SCNM1: variants seen among roughly 807,000 people sequenced by gnomAD.
SCNM1 encodes sodium channel modifier 1.
Under a neutral mutation model 32.8 loss-of-function variants are expected in SCNM1, and 24 were observed. That is an observed-to-expected ratio of 0.73 (90% CI 0.53 to 1.03). SCNM1 has a LOEUF of 1.03. SCNM1 is among the 50% of genes least tolerant of loss of function. The pLI is 0.00. For synonymous variants in SCNM1, 99 were observed against 103.2 expected (o/e 0.96, Z 0.25); for missense variants, 274 against 282.3 (o/e 0.97, Z 0.21).
At position 151,170,031 on chromosome 1, in the gene SCNM1, A is replaced by G; in HGVS notation, c.*946A>G. On this transcript the variant is annotated 3_prime_UTR_variant, in exon 7 of 7. Coordinates refer to ENST00000368905, the MANE Select transcript of SCNM1 (RefSeq NM_024041.4). ...TTACAGGAAAGGAGGACAGATGAGG[A>G]TTTAAGTGTCCAGTGCTCCCAGCGC... is the stretch of plus-strand genomic sequence containing the variant. The G allele has an allele frequency of 1.2e-6, 2 of 1,608,168 alleles. No homozygotes were observed. The highest frequency in any genetic ancestry group is 1.7e-6 in the Non-Finnish European group (2 of 1,174,618).
At chr1:151,168,107 C>T in intron 5 of SCNM1, 37 bp from the exon 6 acceptor site, 2 of 1,553,094 alleles carry the variant, frequency 1.3e-6, no homozygotes, top group Non-Finnish European at 1.7e-6. Context: ...TTGGCCCTTT[C>T]CCTTACTGCT....
intron 4 of SCNM1, 54 bp downstream of exon 4, chr1:151,167,272 G>A (rs1254834002): frequency 2.5e-6 from 4 of 1,614,048 alleles, no homozygotes; most frequent in Non-Finnish European, 3.4e-6. Flanking sequence ...CACACACCAG[G>A]CTGGAAGGGC....
chr1:151,166,792 A>G, intron 2 of SCNM1, 142 bp from the exon 3 acceptor site: 13 of 1,352,964 alleles, frequency 9.6e-6, no homozygotes, highest in Non-Finnish European at 1.3e-5. Context: ...TTTGGCGGCC[A>G]GTGAGGACTG....
chr1:151,169,220 G>T lies in SCNM1; in HGVS notation c.*135G>T. On this transcript the variant is annotated 3_prime_UTR_variant, in exon 7 of 7. Transcript: ENST00000368905. Reference sequence around the variant, plus strand: ...ATTCCAACTACTCCTTGCCTGCAAGGTACACAGCTCTCCACACTCCTTTTT... The same window carrying T: ...ATTCCAACTACTCCTTGCCTGCAAGTTACACAGCTCTCCACACTCCTTTTT... 1 of 814,590 alleles carries T rather than the reference G, an allele frequency of 1.2e-6. No homozygotes were observed. The allele number at this position is 814,590 out of a possible 1,614,324, so 50.5% of individuals were successfully genotyped here.
In SCNM1 at chr1:151,169,842, A is replaced by C; in HGVS notation, c.*757A>C. The stretch of plus-strand genomic sequence containing the variant: ...GGTTATGGGGAACACCAAGGGAGGG[A>C]ACACCCCCACCTCCTCCTAGTAACC... On this transcript the variant is annotated 3_prime_UTR_variant, in exon 7 of 7. Coordinates refer to ENST00000368905, the MANE Select transcript of SCNM1 (RefSeq NM_024041.4). 1 of 543,864 alleles carries C rather than the reference A, an allele frequency of 1.8e-6. No homozygotes were observed. Among genetic ancestry groups the C allele is most frequent in the Non-Finnish European group, 3.3e-6 (1 of 302,822 alleles). 33.7% of individuals were successfully genotyped at this position (543,864 alleles called of 1,614,324 possible).
chr1:151,166,288 A>C, intron 1 of SCNM1, 85 bp downstream of exon 1: 1 of 1,548,880 alleles, frequency 6.5e-7, no homozygotes, highest in Non-Finnish European at 8.7e-7. Context: ...CTCTGGCAAC[A>C]ACTCGGGGGT....
rs763782707 is a variant in SCNM1, at chr1:151,166,184, G to A, written c.32G>A (p.Ser11Asn). ...TTCAAGAGGGAAGGAGACGATTGGA[G>A]TCAACTCAATGTGCTCAAAGTAAGC... Reference protein sequence around the residue: MSFKREGDDWSQLNVLKKRRV... With the variant: MSFKREGDDWNQLNVLKKRRV... The change falls in exon 1 of 7, where the codon AGT (serine) becomes AAT (asparagine). Residue 11 changes from serine to asparagine, a missense_variant. Transcript: ENST00000368905. The A allele has an allele frequency of 2.6e-5, 42 of 1,605,508 alleles. No individual in the cohort carries two copies. The highest frequency in any genetic ancestry group is 3.4e-5 in the Non-Finnish European group (40 of 1,175,580).
At chr1:151,168,927 C>T (rs1377568527) in intron 6 of SCNM1, 59 bp from the exon 7 acceptor site, 1 of 1,599,294 alleles carries the variant, frequency 6.3e-7, no homozygotes, top group African/African-American at 1.3e-5. Context: ...TGTGAGCTCA[C>T]CACTAACTTC....
intron 2 of SCNM1, 176 bp downstream of exon 2, chr1:151,166,717 T>C (rs1421240768): frequency 4.6e-5 from 57 of 1,252,328 alleles, no homozygotes; most frequent in Non-Finnish European, 6.0e-5. Context: ...TACAAGCGCA[T>C]GCCACCACGC....
chr1:151,166,571 G>A (rs1298007982), intron 2 of SCNM1, 30 bp downstream of exon 2: 1 of 1,611,192 alleles, frequency 6.2e-7, no homozygotes, highest in Admixed American at 1.7e-5. Flanking sequence ...CAAGCCTGAG[G>A]GTTCTGCGGT....
Position 151,169,216 on chromosome 1 carries a change from C to A in SCNM1, c.*131C>A. The stretch of plus-strand genomic sequence containing the variant: ...TCTCATTCCAACTACTCCTTGCCTG[C>A]AAGGTACACAGCTCTCCACACTCCT... On this transcript the variant is annotated 3_prime_UTR_variant, in exon 7 of 7. Coordinates refer to ENST00000368905, the MANE Select transcript of SCNM1 (RefSeq NM_024041.4). The A allele has an allele frequency of 4.7e-6, 4 of 849,840 alleles. No individual in the cohort carries two copies. The highest frequency in any genetic ancestry group is 7.3e-6 in the Non-Finnish European group (4 of 551,076). 52.6% of individuals were successfully genotyped at this position (849,840 alleles called of 1,614,324 possible).
Position 151,169,764 on chromosome 1 carries a change from A to G in SCNM1, c.*679A>G. On this transcript the variant is annotated 3_prime_UTR_variant, in exon 7 of 7. Transcript: ENST00000368905. ...GGGGGACCTGGCCACATCTGGAAAC[A>G]GGGCTGTGGCTAAGTTCCCTGTGAA... 2.6e-6 allele frequency: 1 copy of G among 385,252 alleles called. No individual in the cohort carries two copies. The highest frequency in any genetic ancestry group is 2.9e-5 in the South Asian group (1 of 34,764). The allele number at this position is 385,252 out of a possible 1,614,324, so 23.9% of individuals were successfully genotyped here.
Position 151,169,066 on chromosome 1 carries a change from C to T in SCNM1, c.674C>T (p.Pro225Leu). 1 of 1,614,040 alleles carries T rather than the reference C, an allele frequency of 6.2e-7. No homozygotes were observed. Among genetic ancestry groups the T allele is most frequent in the East Asian group, 2.2e-5 (1 of 44,882 alleles). ...VEFDSDEEEP[P>L]DLPLD ...TTTGACTCTGATGAGGAGGAACCAC[C>T]TGATCTCCCCTTGGACTGATACCCT... The change falls in exon 7 of 7, where the codon CCT becomes CTT. Residue 225 changes from proline (P) to leucine (L), a missense_variant. By Grantham distance (98) the Pro-to-Leu change is moderately conservative. Coordinates refer to ENST00000368905, the MANE Select transcript of SCNM1 (RefSeq NM_024041.4).
chr1:151,170,208 T>C lies in SCNM1; in HGVS notation c.*1123T>C. 7.3e-7 allele frequency: 1 copy of C among 1,367,490 alleles called. No homozygotes were observed. The highest frequency in any genetic ancestry group is 1.0e-6 in the Non-Finnish European group (1 of 962,548). 84.7% of individuals were successfully genotyped at this position (1,367,490 alleles called of 1,614,324 possible). A position where few individuals can be genotyped will look rare whatever the true frequency, so the allele number is the denominator to read the frequency against. On this transcript the variant is annotated 3_prime_UTR_variant, in exon 7 of 7. Coordinates refer to ENST00000368905, the MANE Select transcript of SCNM1 (RefSeq NM_024041.4). ...CTTAGCCAAACTCATAAATTGGTAG[T>C]GTCTTAGGCCACCTTACAGGCCCAT...
chr1:151,166,651 C>T (rs1683717234), intron 2 of SCNM1, 110 bp downstream of exon 2: 1 of 1,497,578 alleles, frequency 6.7e-7, no homozygotes, highest in Non-Finnish European at 8.9e-7. Context: ...CCAGGCTGCC[C>T]TCGAACTCTA....
chr1:151,169,336 C>A lies in SCNM1; in HGVS notation c.*251C>A. 1 of 341,542 alleles carries A rather than the reference C, an allele frequency of 2.9e-6. No homozygotes were observed. 21.2% of individuals were successfully genotyped at this position (341,542 alleles called of 1,614,324 possible). The stretch of plus-strand genomic sequence containing the variant: ...CTCGGCTCACTGCAAGCTCTGCCTC[C>A]CAGGTTCACGCCTTTCTCCTGCCTC... On this transcript the variant is annotated 3_prime_UTR_variant, in exon 7 of 7. Transcript: ENST00000368905.
In SCNM1 at chr1:151,167,157, A is replaced by G. The variant is rs746188514; in HGVS notation, c.248A>G (p.Lys83Arg). Residue 83 changes from lysine to arginine, a missense_variant, in exon 4 of 7, where the codon AAG becomes AGG. Physicochemically the swap from Lys to Arg is conservative, Grantham distance 26. Transcript: ENST00000368905. ...TTCTATGGCAAGAAGCAGCCGGGAA[A>G]GGAAAGAAAGCAGAATCCAAAACAT... ...QLFYGKKQPG[K>R]ERKQNPKHQN... 9.9e-6 allele frequency: 16 copies of G among 1,614,068 alleles called. No individual in the cohort carries two copies. The highest frequency in any genetic ancestry group is 1.4e-5 in the Non-Finnish European group (16 of 1,180,038).
In SCNM1 at chr1:151,167,395, T is replaced by A. The variant is rs1572076621; in HGVS notation, c.379T>A (p.Cys127Ser). The change falls in exon 5 of 7, where the codon TGC (cysteine) becomes AGC (serine). Residue 127 changes from cysteine (C) to serine (S), a missense_variant. By Grantham distance (112) the Cys-to-Ser change is moderately radical. Transcript: ENST00000368905. Reference protein sequence around the residue: ...ALHRAPHYNSCCRRKYRPEAP... With the variant: ...ALHRAPHYNSSCRRKYRPEAP... ...GCACAGAGCTCCCCACTATAACAGT[T>A]GCTGCCGCCGGAAGTACAGGTATGG... The A allele has an allele frequency of 6.2e-7, 1 of 1,614,136 alleles. No individual in the cohort carries two copies.
chr1:151,166,882 G>T, intron 2 of SCNM1, 52 bp from the exon 3 acceptor site: 2 of 1,610,970 alleles, frequency 1.2e-6, no homozygotes, highest in South Asian at 2.2e-5. Context: ...GGCAGGGACG[G>T]GCCCAACCCT....
Sources: allele counts gnomAD v4.1 joint callset, GRCh38; gene constraint gnomAD v4.1.1; transcripts MANE v1.5; gene names NCBI Gene and HGNC (gene_info 2026-07-23, HGNC 2026-07-21).